PTPRT: variants seen among roughly 807,000 people sequenced by gnomAD.
PTPRT encodes the protein receptor-type tyrosine-protein phosphatase T.
Under a neutral mutation model 176.8 loss-of-function variants are expected in PTPRT, and 56 were observed. The ratio of observed to expected loss-of-function variants is 0.32; its 90% CI spans 0.26 to 0.40. PTPRT has a LOEUF of 0.40. PTPRT is among the 10% of genes least tolerant of loss of function. The pLI is 1.00. For missense variants in PTPRT, 1,540 were observed against 1,908.2 expected (o/e 0.81, Z 3.60); for synonymous variants, 783 against 739.0 (o/e 1.06, Z -0.96).
chr20:43,035,693 T>C (rs1338272086), intron 1 of PTPRT, among the ~76,000 whole-genome samples: 1 of 152,190 alleles, frequency 6.6e-6, no homozygotes, highest in African/African-American at 2.4e-5. Flanking sequence ...AAGGTATGCT[T>C]GGATGTCAAA....
In PTPRT at chr20:42,782,126, T is replaced by C. The variant is rs533846952; in HGVS notation, c.487-1827A>G. Among the ~76,000 whole-genome samples, 89 of 152,330 alleles carry C rather than the reference T, an allele frequency of 5.8e-4. 2 individuals are homozygous for C. The South Asian group carries it at 0.01, about 17-fold the overall frequency. On this transcript the variant is annotated intron_variant, in intron 3 of 30. Transcript: ENST00000373187. ...ACTGTCAGTGTTCATAGACTCTCCA[T>C]TTCTGGGTCTTTTTTCTATTTAGGC...
intron 9 of PTPRT, among the ~76,000 whole-genome samples, chr20:42,367,639 G>T (rs2058533022): frequency 6.6e-6 from 1 of 152,204 alleles, no homozygotes; most frequent in Non-Finnish European, 1.5e-5. Flanking sequence ...GGGGAGGATA[G>T]GTGTGCATGA....
intron 13 of PTPRT, among the ~76,000 whole-genome samples, chr20:42,275,995 C>A (rs1195170260): frequency 1.3e-5 from 2 of 152,136 alleles, no homozygotes; most frequent in Non-Finnish European, 2.9e-5. Context: ...GACTGAACAA[C>A]AATCAAGAGC....
At chr20:42,498,847 C>A (rs780045775) in intron 7 of PTPRT, among the ~76,000 whole-genome samples, 1 of 152,108 alleles carries the variant, frequency 6.6e-6, no homozygotes, top group East Asian at 1.9e-4. Flanking sequence ...CACACTCTAC[C>A]CGGCTTTGAG....
chr20:42,674,275 A>T (rs2075461337), intron 7 of PTPRT, among the ~76,000 whole-genome samples: 1 of 152,206 alleles, frequency 6.6e-6, no homozygotes, highest in African/African-American at 2.4e-5. Flanking sequence ...CTGTAACTTA[A>T]ACACCAACGT....
chr20:42,874,529 T>C (rs1205132993), intron 2 of PTPRT, among the ~76,000 whole-genome samples: 1 of 152,234 alleles, frequency 6.6e-6, no homozygotes, highest in East Asian at 1.9e-4. Flanking sequence ...TGGTATCTAA[T>C]ATACAATTTA....
At chr20:43,184,543 T>G (rs1010808265) in intron 1 of PTPRT, among the ~76,000 whole-genome samples, 1 of 152,072 alleles carries the variant, frequency 6.6e-6, no homozygotes, top group Non-Finnish European at 1.5e-5. Context: ...AAAAATTACC[T>G]GGGCATGGTG....
At chr20:42,883,772 CCT>C (rs2079052490) in intron 2 of PTPRT, among the ~76,000 whole-genome samples, 1 of 1,408 alleles carries the variant, frequency 7.1e-4, no homozygotes, top group Non-Finnish European at 1.5e-3. Flanking sequence ...GCACACACAC[CCT>C]CCATAAACGC....
intron 11 of PTPRT, among the ~76,000 whole-genome samples, chr20:42,337,327 G>A (rs979777646): frequency 1.3e-5 from 2 of 152,110 alleles, no homozygotes; most frequent in Non-Finnish European, 2.9e-5. Flanking sequence ...GTAACATAAT[G>A]CATCTGAGTC....
chr20:42,264,882 G>T (rs547042323), intron 13 of PTPRT, among the ~76,000 whole-genome samples: 5 of 152,234 alleles, frequency 3.3e-5, no homozygotes, highest in African/African-American at 9.6e-5. Context: ...CACCACTCAC[G>T]TTTCTCAGAA....
intron 7 of PTPRT, among the ~76,000 whole-genome samples, chr20:42,658,105 G>A (rs1422836410): frequency 2.0e-5 from 3 of 152,004 alleles, no homozygotes; most frequent in Admixed American, 6.6e-5. Flanking sequence ...CTCTAAAGTT[G>A]CACTGAATTA....
chr20:42,801,397 A>G (rs1025413859), intron 2 of PTPRT, among the ~76,000 whole-genome samples: 3 of 151,886 alleles, frequency 2.0e-5, no homozygotes, highest in African/African-American at 7.3e-5. Flanking sequence ...CCCTAACTCC[A>G]CTGGTACCTC....
chr20:42,395,011 C>T lies in PTPRT; in HGVS notation c.1561-42726G>A, dbSNP rs149820080. ...TGAAGCCCATATTTTCTGCCTACTC[C>T]GAGTCTGCTGGACAAGTGTGAGGAA... On this transcript the variant is annotated intron_variant, in intron 9 of 30. Coordinates refer to ENST00000373187, the MANE Select transcript of PTPRT (RefSeq NM_007050.6). Among the ~76,000 whole-genome samples, 261 of 152,264 alleles carry T rather than the reference C, an allele frequency of 1.7e-3. 3 individuals are homozygous for T. The highest frequency in any genetic ancestry group is 4.8e-3 in the African/African-American group (200 of 41,570).
At chr20:42,636,535 C>G (rs1298231559) in intron 7 of PTPRT, among the ~76,000 whole-genome samples, 2 of 151,964 alleles carry the variant, frequency 1.3e-5, no homozygotes, top group Non-Finnish European at 2.9e-5. Flanking sequence ...CCTGTAATCC[C>G]AACACTTTGG....
At chr20:42,396,938 T>G (rs2058856720) in intron 9 of PTPRT, among the ~76,000 whole-genome samples, 1 of 152,212 alleles carries the variant, frequency 6.6e-6, no homozygotes, top group African/African-American at 2.4e-5. Context: ...TCTGTTCAAA[T>G]GCCACCTTTA....
intron 7 of PTPRT, among the ~76,000 whole-genome samples, chr20:42,643,748 T>G (rs2074820067): frequency 6.6e-6 from 1 of 152,080 alleles, no homozygotes; most frequent in Non-Finnish European, 1.5e-5. Flanking sequence ...CACTATGCAT[T>G]GCTTTGTGCA....
chr20:42,091,852 C>T (rs1226773677), intron 27 of PTPRT, among the ~76,000 whole-genome samples: 7 of 152,076 alleles, frequency 4.6e-5, no homozygotes, highest in Non-Finnish European at 7.3e-5. Context: ...TTGTATCCTT[C>T]CAGTAGTCCC....
At chr20:42,194,195 T>A (rs1281842780) in intron 16 of PTPRT, among the ~76,000 whole-genome samples, 2 of 152,224 alleles carry the variant, frequency 1.3e-5, no homozygotes, top group Non-Finnish European at 2.9e-5. Flanking sequence ...ATTTTATTCA[T>A]CTTTGAAACT....
At chr20:42,949,763 T>C (rs1042624554) in intron 1 of PTPRT, among the ~76,000 whole-genome samples, 2 of 152,210 alleles carry the variant, frequency 1.3e-5, no homozygotes, top group Non-Finnish European at 2.9e-5. Flanking sequence ...AGCTATTTTT[T>C]ATGTTTGCCA....
Sources: gnomAD v4.1 joint callset for allele counts (sites outside exome capture counted in the v4.1 genomes callset) on GRCh38, gnomAD v4.1.1 for gene constraint, MANE v1.5 for transcripts, NCBI Gene and HGNC (gene_info 2026-07-23, HGNC 2026-07-21) for gene names.